DEFB127: variants seen among roughly 807,000 people sequenced by gnomAD.
DEFB127 encodes the protein defensin beta 127.
DEFB127 carries 2 observed loss-of-function variants against 2.4 expected under a neutral mutation model. That is an observed-to-expected ratio of 0.82 (90% CI 0.34 to 2.58). DEFB127 has a LOEUF of 2.58. Among genes scored for constraint, DEFB127 ranks in the 30% most tolerant of loss-of-function variants. The pLI, the probability that DEFB127 is intolerant of heterozygous loss-of-function variation, is 0.11. For missense variants in DEFB127, 110 were observed against 113.2 expected (o/e 0.97, Z 0.13); for synonymous variants, 37 against 39.8 (o/e 0.93, Z 0.26).
In DEFB127 at chr20:157,493, GC is replaced by G; in HGVS notation, c.-51del. 1 of 1,593,208 alleles carries G rather than the reference GC, an allele frequency of 6.3e-7. No individual in the cohort carries two copies. The highest frequency in any genetic ancestry group is 1.7e-5 in the Admixed American group (1 of 59,816). On this transcript the variant is annotated 5_prime_UTR_variant, in exon 1 of 2. Coordinates refer to ENST00000382388, the MANE Select transcript of DEFB127 (RefSeq NM_139074.4). The stretch of plus-strand genomic sequence containing the variant: ...GTCTCTGAGGAAGGTAGCATAGTGT[GC>G]AGTTCACTGGACCAAAAGCTTTGGC...
chr20:157,927 ATATATG>A (rs1290405281), intron 1 of DEFB127, among the ~76,000 whole-genome samples: 4,708 of 83,152 alleles, frequency 0.057, 107 homozygotes, highest in Middle Eastern at 0.091. Context: ...ACTCAAATAT[ATATATG>A]TGTGTGTGTG....
rs16995668 is a variant in DEFB127 at position 158,778 on chromosome 20, C to T, written c.54C>T (p.Thr18=). 3.1e-3 allele frequency: 5,055 copies of T among 1,609,612 alleles called. 145 individuals carry two copies. The East Asian group carries it at 0.078, about 25-fold the overall frequency. Reference sequence around the variant, plus strand: ...ATTGCTCCTTTCTGTGTATAGTAACCGAACAACTTAAGAAGTGCTGGAATA... The same window carrying T: ...ATTGCTCCTTTCTGTGTATAGTAACTGAACAACTTAAGAAGTGCTGGAATA... ...AILLFQKPTV[T]EQLKKCWNNY... The change falls in exon 2 of 2, where the codon ACC becomes ACT. Residue 18 remains threonine, a synonymous_variant. Coordinates refer to ENST00000382388, the MANE Select transcript of DEFB127 (RefSeq NM_139074.4).
intron 1 of DEFB127, among the ~76,000 whole-genome samples, chr20:158,501 C>T (rs913493057): frequency 1.5e-4 from 23 of 152,188 alleles, no homozygotes; most frequent in Middle Eastern, 6.8e-3. Flanking sequence ...GGTTCAGCTC[C>T]TTTATTTTCT....
intron 1 of DEFB127, among the ~76,000 whole-genome samples, chr20:158,294 A>G (rs562934579): frequency 4.5e-4 from 68 of 152,178 alleles, no homozygotes; most frequent in Non-Finnish European, 7.5e-4. Flanking sequence ...GGATAACATG[A>G]AAGTCATTCT....
At chr20:158,097 G>A (rs2054710425) in intron 1 of DEFB127, among the ~76,000 whole-genome samples, 1 of 152,042 alleles carries the variant, frequency 6.6e-6, no homozygotes, top group African/African-American at 2.4e-5. Context: ...AATGACACCT[G>A]GTTAACAGGG....
In DEFB127 at chr20:157,593, G is replaced by A. The variant is rs1306185711; in HGVS notation, c.49G>A (p.Val17Ile). Residue 17 changes from valine (V) to isoleucine (I), a missense_variant and splice_region_variant, in exon 1 of 2, where the codon GTA (valine) becomes ATA (isoleucine). Transcript: ENST00000382388. ...IAILLFQKPT[V>I]TEQLKKCWNN... Reference sequence around the variant, plus strand: ...AATTCTGCTGTTCCAGAAACCCACAGGTAAACCAAACCAGAAGCTCACTCA... The same window carrying A: ...AATTCTGCTGTTCCAGAAACCCACAAGTAAACCAAACCAGAAGCTCACTCA... 1.2e-6 allele frequency: 2 copies of A among 1,613,832 alleles called. No individual in the cohort carries two copies. Among genetic ancestry groups the A allele is most frequent in the Admixed American group, 1.7e-5 (1 of 59,952 alleles).
rs1432873008 is a variant in DEFB127 at position 157,569 on chromosome 20, A to G, written c.25A>G (p.Ile9Val). Residue 9 changes from isoleucine (I) to valine (V), a missense_variant, in exon 1 of 2, where the codon ATT (isoleucine) becomes GTT (valine). Transcript: ENST00000382388. ...CATGGGGCTCTTCATGATCATTGCA[A>G]TTCTGCTGTTCCAGAAACCCACAGG... MGLFMIIA[I>V]LLFQKPTVTE... The G allele has an allele frequency of 2.5e-6, 4 of 1,613,816 alleles. No homozygotes were observed. The highest frequency in any genetic ancestry group is 3.3e-5 in the Admixed American group (2 of 59,956).
chr20:158,975 A>G lies in DEFB127; in HGVS notation c.251A>G (p.Tyr84Cys), dbSNP rs141855443. The change falls in exon 2 of 2, where the codon TAT (tyrosine) becomes TGT (cysteine). Residue 84 changes from tyrosine (Y) to cysteine (C), a missense_variant. Tyr to Cys is a radical substitution (Grantham distance 194). Coordinates refer to ENST00000382388, the MANE Select transcript of DEFB127 (RefSeq NM_139074.4). The part of the protein sequence containing the change: ...PATLALTLQD[Y>C]VTIIENFPSL... ...ACACTTGCACTGACTCTTCAAGACT[A>G]TGTTACAATAATAGAAAATTTCCCA... 23 of 1,611,928 alleles carry G rather than the reference A, an allele frequency of 1.4e-5. No homozygotes were observed. The highest frequency in any genetic ancestry group is 1.9e-5 in the Non-Finnish European group (22 of 1,179,310).
At position 159,026 on chromosome 20, in the gene DEFB127, TCAAATA is replaced by T. The variant is rs1568467619; in HGVS notation, c.*6_*11del. On this transcript the variant is annotated 3_prime_UTR_variant, in exon 2 of 2. Coordinates refer to ENST00000382388, the MANE Select transcript of DEFB127 (RefSeq NM_139074.4). ...AGCCTGAAGACACAGTCTACATAAA[TCAAATA>T]CAATTTCGTTTTCACTTGCTTCTCA... is the stretch of plus-strand genomic sequence containing the variant. The T allele has an allele frequency of 1.3e-6, 2 of 1,594,060 alleles. No individual in the cohort carries two copies. The highest frequency in any genetic ancestry group is 1.1e-5 in the South Asian group (1 of 88,202).
intron 1 of DEFB127, among the ~76,000 whole-genome samples, chr20:157,833 A>AGAAAGGAATGATGCCAAT (rs1441634845): frequency 6.6e-6 from 1 of 152,176 alleles, no homozygotes; most frequent in Non-Finnish European, 1.5e-5. Context: ...GTGTTGTTAT[A>AGAAAGGAATGATGCCAAT]GAAAGGAATG....
Position 158,907 on chromosome 20 carries a change from A to G in DEFB127, c.183A>G (p.Glu61=). The part of the protein sequence containing the change: ...RYCCLNIKEL[E]ACKKITKPPR... ...GTTGCCTCAATATCAAGGAACTGGA[A>G]GCATGTAAAAAAATTACAAAGCCAC... Residue 61 remains glutamate, a synonymous_variant, in exon 2 of 2, where the codon GAA becomes GAG. Coordinates refer to ENST00000382388, the MANE Select transcript of DEFB127 (RefSeq NM_139074.4). 6.2e-7 allele frequency: 1 copy of G among 1,613,832 alleles called. No homozygotes were observed. Among genetic ancestry groups the G allele is most frequent in the Non-Finnish European group, 8.5e-7 (1 of 1,179,816 alleles).
chr20:159,140 T>G lies in DEFB127; in HGVS notation c.*116T>G, dbSNP rs1276321624. Reference sequence around the variant, plus strand: ...ATCCTTAAAATGACCTTCGAGCATATTCTAATAAAGTGCATTGCCAGTTTT... The same window carrying G: ...ATCCTTAAAATGACCTTCGAGCATAGTCTAATAAAGTGCATTGCCAGTTTT... On this transcript the variant is annotated 3_prime_UTR_variant, in exon 2 of 2. Transcript: ENST00000382388. The G allele has an allele frequency of 2.4e-6, 3 of 1,245,046 alleles. No homozygotes were observed. The highest frequency in any genetic ancestry group is 3.3e-6 in the Non-Finnish European group (3 of 914,976). 77.1% of individuals were successfully genotyped at this position (1,245,046 alleles called of 1,614,324 possible). A position where few individuals can be genotyped will look rare whatever the true frequency, so the allele number is the denominator to read the frequency against.
chr20:157,965 A>G (rs1858592), intron 1 of DEFB127, among the ~76,000 whole-genome samples: 44,384 of 149,410 alleles, frequency 0.3, 7,915 homozygotes, highest in East Asian at 0.52. Context: ...GTGTGTGTGC[A>G]TGAATAGAGG....
intron 1 of DEFB127, 124 bp downstream of exon 1, chr20:157,717 A>G: frequency 9.8e-7 from 1 of 1,017,118 alleles, no homozygotes; most frequent in Admixed American, 2.3e-5. Flanking sequence ...AGTTTATCCA[A>G]CATCATCAGA....
chr20:158,711 CA>C, intron 1 of DEFB127, 62 bp from the exon 2 acceptor site: 1 of 1,535,570 alleles, frequency 6.5e-7, no homozygotes, highest in South Asian at 1.3e-5. Flanking sequence ...CTGTCTTCCC[CA>C]AAACCAACGT....
In DEFB127 at chr20:157,485, C is replaced by G; in HGVS notation, c.-60C>G. The G allele has an allele frequency of 1.8e-5, 29 of 1,568,844 alleles. No individual in the cohort carries two copies. The highest frequency in any genetic ancestry group is 2.5e-5 in the Non-Finnish European group (29 of 1,139,160). On this transcript the variant is annotated 5_prime_UTR_variant, in exon 1 of 2. Transcript: ENST00000382388. ...GAATCTAAGTCTCTGAGGAAGGTAGCATAGTGTGCAGTTCACTGGACCAAA... is the reference window on the plus strand; with the variant it reads ...GAATCTAAGTCTCTGAGGAAGGTAGGATAGTGTGCAGTTCACTGGACCAAA...
rs1056753070 is a variant in DEFB127, at chr20:158,719, A to G, written c.50-55A>G. ...GCCTCCTCTGTCTTCCCCAAAACCA[A>G]CGTGCCTTCAGTCTCAAACACTGAT... On this transcript the variant is annotated intron_variant, in intron 1 of 1. Coordinates refer to ENST00000382388, the MANE Select transcript of DEFB127 (RefSeq NM_139074.4). 6.5e-6 allele frequency: 10 copies of G among 1,547,020 alleles called. No individual in the cohort carries two copies. In the African/African-American group the frequency reaches 8.2e-5, roughly 13 times the overall value.
chr20:158,670 A>G, intron 1 of DEFB127, 104 bp from the exon 2 acceptor site: 33 of 1,161,692 alleles, frequency 2.8e-5, no homozygotes, highest in Non-Finnish European at 4.0e-5. Context: ...CCTTGTGGAT[A>G]CCCCATACCC....
Position 158,893 on chromosome 20 carries a change from A to G in DEFB127, c.169A>G (p.Ile57Val). The G allele has an allele frequency of 6.2e-7, 1 of 1,613,838 alleles. No homozygotes were observed. Among genetic ancestry groups the G allele is most frequent in the African/African-American group, 1.3e-5 (1 of 75,056 alleles). ...CENGRYCCLNIKELEACKKIT... is the reference protein window; with the variant it reads ...CENGRYCCLNVKELEACKKIT... ...AAATGGGAGATACTGTTGCCTCAAT[A>G]TCAAGGAACTGGAAGCATGTAAAAA... The change falls in exon 2 of 2, where the codon ATC becomes GTC. Residue 57 changes from isoleucine (I) to valine (V), a missense_variant. Coordinates refer to ENST00000382388, the MANE Select transcript of DEFB127 (RefSeq NM_139074.4).
Sources: gnomAD v4.1 joint callset for allele counts (sites outside exome capture counted in the v4.1 genomes callset) on GRCh38, gnomAD v4.1.1 for gene constraint, MANE v1.5 for transcripts, NCBI Gene and HGNC (gene_info 2026-07-23, HGNC 2026-07-21) for gene names.